NEK1: variants seen among roughly 807,000 people sequenced by gnomAD.
The protein encoded by NEK1 is serine/threonine-protein kinase Nek1.
NEK1 carries 137 observed loss-of-function variants against 182.1 expected under a neutral mutation model. The observed-to-expected ratio is 0.75, with a 90% confidence interval of 0.65 to 0.87. The LOEUF (loss-of-function observed/expected upper bound fraction) is 0.87. NEK1 is among the 40% of genes least tolerant of loss of function. NEK1 has a pLI of 0.00. For missense variants in NEK1, 1,391 were observed against 1,494.4 expected, an observed-to-expected ratio of 0.93 and a Z score of 1.14; for synonymous variants, 513 against 492.2, an observed-to-expected ratio of 1.04 and a Z score of -0.56.
intron 35 of NEK1, 67 bp downstream of exon 35, chr4:169,400,158 T>C: frequency 7.0e-7 from 1 of 1,428,884 alleles, no homozygotes. Flanking sequence ...AGCTGATTCA[T>C]ATACATGTAT....
intron 13 of NEK1, 97 bp downstream of exon 13, chr4:169,562,040 A>T: frequency 8.6e-7 from 1 of 1,165,848 alleles, no homozygotes; most frequent in Non-Finnish European, 1.2e-6. Context: ...GTTTGAAAGA[A>T]ATAAGGAAAG....
At chr4:169,541,360 T>C (rs1214595083) in intron 18 of NEK1, among the ~76,000 whole-genome samples, 1 of 152,188 alleles carries the variant, frequency 6.6e-6, no homozygotes, top group Non-Finnish European at 1.5e-5. Context: ...GCTTCAGCCA[T>C]TTCAACAGTA....
intron 23 of NEK1, among the ~76,000 whole-genome samples, chr4:169,482,405 C>T (rs1748210659): frequency 1.3e-5 from 2 of 151,910 alleles, no homozygotes; most frequent in Admixed American, 1.3e-4. Context: ...GATCATTCTG[C>T]CTTAGCTTCT....
At chr4:169,398,182 G>A (rs973519962) in intron 35 of NEK1, among the ~76,000 whole-genome samples, 2 of 151,896 alleles carry the variant, frequency 1.3e-5, no homozygotes, top group Non-Finnish European at 2.9e-5. Flanking sequence ...ACAAGTACCA[G>A]AAAATGTTTA....
intron 23 of NEK1, among the ~76,000 whole-genome samples, chr4:169,500,277 G>A (rs572797550): frequency 3.0e-4 from 46 of 152,232 alleles, no homozygotes; most frequent in African/African-American, 1.1e-3. Flanking sequence ...GGAGTGACCC[G>A]ATTTTCCAGG....
chr4:169,477,756 ATCCTCT>A (rs1747236906), intron 24 of NEK1, among the ~76,000 whole-genome samples: 1 of 152,010 alleles, frequency 6.6e-6, no homozygotes, highest in African/African-American at 2.4e-5. Flanking sequence ...AATTAACTAT[ATCCTCT>A]TCCTCTTTGG....
intron 2 of NEK1, among the ~76,000 whole-genome samples, chr4:169,605,333 A>G (rs1208963360): frequency 6.6e-6 from 1 of 152,204 alleles, no homozygotes; most frequent in Non-Finnish European, 1.5e-5. Context: ...CTGTTAGTAA[A>G]GAAAGATGAC....
At chr4:169,559,410 A>C (rs139101768) in intron 16 of NEK1, among the ~76,000 whole-genome samples, 177 of 152,322 alleles carry the variant, frequency 1.2e-3, no homozygotes, top group African/African-American at 3.6e-3. Context: ...AGTTCTACTT[A>C]AAGGTAAGAT....
At chr4:169,480,895 G>T (rs1747875520) in intron 23 of NEK1, among the ~76,000 whole-genome samples, 1 of 152,132 alleles carries the variant, frequency 6.6e-6, no homozygotes, top group South Asian at 2.1e-4. Context: ...ATATTTATCT[G>T]CAGCATGTGA....
intron 2 of NEK1, among the ~76,000 whole-genome samples, chr4:169,605,653 CT>C (rs1771212604): frequency 2.0e-5 from 3 of 152,160 alleles, no homozygotes; most frequent in African/African-American, 7.2e-5. Flanking sequence ...TAACTTATAA[CT>C]GAAGGAACAT....
At chr4:169,461,767 G>T (rs1019435223) in intron 27 of NEK1, among the ~76,000 whole-genome samples, 2 of 152,016 alleles carry the variant, frequency 1.3e-5, no homozygotes, top group African/African-American at 4.8e-5. Flanking sequence ...AACTTTGTGG[G>T]TACTTTTTAT....
chr4:169,455,177 G>T (rs143686292), intron 27 of NEK1, among the ~76,000 whole-genome samples: 3 of 152,108 alleles, frequency 2.0e-5, no homozygotes, highest in East Asian at 3.9e-4. Flanking sequence ...GGGCATGTTG[G>T]GGGGTTGGGG....
intron 29 of NEK1, among the ~76,000 whole-genome samples, chr4:169,432,405 C>T (rs907593049): frequency 6.6e-5 from 10 of 152,040 alleles, no homozygotes; most frequent in Non-Finnish European, 8.8e-5. Context: ...TATACACATA[C>T]GAAAGTCACT....
intron 14 of NEK1, 34 bp from the exon 15 acceptor site, chr4:169,561,771 T>A (rs375197412): frequency 6.3e-7 from 1 of 1,597,234 alleles, no homozygotes; most frequent in African/African-American, 1.3e-5. Context: ...TTCTTACAAC[T>A]CTTGAACCTA....
chr4:169,545,198 C>G (rs1760198459), intron 18 of NEK1, among the ~76,000 whole-genome samples: 1 of 109,664 alleles, frequency 9.1e-6, no homozygotes, highest in Admixed American at 1.0e-4. Flanking sequence ...TGCTATCCCT[C>G]CCCCCTCCCC....
intron 26 of NEK1, among the ~76,000 whole-genome samples, chr4:169,475,802 T>A (rs954025188): frequency 6.6e-6 from 1 of 152,014 alleles, no homozygotes. Context: ...CTACAATATC[T>A]GAGATGAAAA....
intron 27 of NEK1, among the ~76,000 whole-genome samples, chr4:169,446,844 C>G (rs779751040): frequency 1.3e-5 from 2 of 151,826 alleles, no homozygotes; most frequent in African/African-American, 2.4e-5. Flanking sequence ...AGACAGGCTG[C>G]TTGAAAATAC....
At chr4:169,478,532 T>C (rs1747397396) in intron 24 of NEK1, among the ~76,000 whole-genome samples, 1 of 152,078 alleles carries the variant, frequency 6.6e-6, no homozygotes, top group African/African-American at 2.4e-5. Flanking sequence ...AGAACAATAG[T>C]TTCTTACATG....
intron 2 of NEK1, among the ~76,000 whole-genome samples, chr4:169,607,607 C>G (rs544996482): frequency 6.6e-6 from 1 of 151,882 alleles, no homozygotes; most frequent in Non-Finnish European, 1.5e-5. Context: ...GGACTACAGG[C>G]GCCTGCCACC....
Sources: gnomAD v4.1 joint callset for allele counts (sites outside exome capture counted in the v4.1 genomes callset) on GRCh38, gnomAD v4.1.1 for gene constraint, MANE v1.5 for transcripts, NCBI Gene and HGNC (gene_info 2026-07-23, HGNC 2026-07-21) for gene names.